CDH20: variants seen among roughly 807,000 people sequenced by gnomAD.
CDH20 encodes cadherin 20.
CDH20 carries 29 observed loss-of-function variants against 74.2 expected under a neutral mutation model. The ratio of observed to expected loss-of-function variants is 0.39; its 90% CI spans 0.29 to 0.53. The LOEUF (loss-of-function observed/expected upper bound fraction) is 0.53. Among genes scored for constraint, CDH20 ranks in the 20% least tolerant of loss-of-function variants. The pLI is 0.69. For missense variants in CDH20, 988 were observed against 1,048.3 expected (o/e 0.94, Z 0.79); for synonymous variants, 469 against 405.4 (o/e 1.16, Z -1.88).
chr18:61,456,333 G>A (rs1006134567), intron 1 of CDH20, among the ~76,000 whole-genome samples: 4 of 152,172 alleles, frequency 2.6e-5, no homozygotes, highest in African/African-American at 9.7e-5. Flanking sequence ...ACCCCTCTGA[G>A]GTTTTCCCAT....
At chr18:61,390,530 A>G (rs535286575) in intron 1 of CDH20, among the ~76,000 whole-genome samples, 1 of 152,328 alleles carries the variant, frequency 6.6e-6, no homozygotes, top group South Asian at 2.1e-4. Flanking sequence ...AACCAGGAAG[A>G]CTTGACAAAG....
chr18:61,434,026 A>T (rs1411919091), intron 1 of CDH20, among the ~76,000 whole-genome samples: 3 of 152,088 alleles, frequency 2.0e-5, no homozygotes. Flanking sequence ...GGGACTACAT[A>T]TGTATATGTA....
intron 1 of CDH20, among the ~76,000 whole-genome samples, chr18:61,471,996 C>G (rs1318744814): frequency 6.6e-6 from 1 of 152,092 alleles, no homozygotes; most frequent in Non-Finnish European, 1.5e-5. Context: ...TCTGTGAGGA[C>G]AACATGTCCA....
chr18:61,361,095 C>A (rs1910676894), intron 1 of CDH20, among the ~76,000 whole-genome samples: 1 of 152,194 alleles, frequency 6.6e-6, no homozygotes, highest in African/African-American at 2.4e-5. Context: ...ATGTAACAAA[C>A]CCTGTATGGT....
At chr18:61,540,240 T>C (rs1912978339) in intron 9 of CDH20, among the ~76,000 whole-genome samples, 1 of 152,172 alleles carries the variant, frequency 6.6e-6, no homozygotes, top group Non-Finnish European at 1.5e-5. Flanking sequence ...GCTGGATCAA[T>C]GGGCTGGAAT....
chr18:61,452,995 T>C (rs1325222267), intron 1 of CDH20, among the ~76,000 whole-genome samples: 5 of 152,184 alleles, frequency 3.3e-5, no homozygotes, highest in African/African-American at 7.2e-5. Context: ...AATAATACAG[T>C]GAGATCCTGA....
chr18:61,385,221 GCAAACAAAA>G (rs1911555024), intron 1 of CDH20, among the ~76,000 whole-genome samples: 1 of 152,072 alleles, frequency 6.6e-6, no homozygotes, highest in South Asian at 2.1e-4. Flanking sequence ...TCTACTAATG[GCAAACAAAA>G]TAAATCTATG....
At chr18:61,346,517 A>G (rs1388580880) in intron 1 of CDH20, among the ~76,000 whole-genome samples, 1 of 152,226 alleles carries the variant, frequency 6.6e-6, no homozygotes, top group Non-Finnish European at 1.5e-5. Flanking sequence ...AAAATTGAAA[A>G]GCATAGCTCT....
chr18:61,498,878 T>G (rs1911262173), intron 2 of CDH20, among the ~76,000 whole-genome samples: 1 of 152,184 alleles, frequency 6.6e-6, no homozygotes, highest in Admixed American at 6.5e-5. Context: ...GTTCTTATTC[T>G]AACATTGGGG....
At chr18:61,530,858 C>T (rs756897771) in intron 7 of CDH20, among the ~76,000 whole-genome samples, 7 of 152,144 alleles carry the variant, frequency 4.6e-5, no homozygotes, top group Non-Finnish European at 1.0e-4. Context: ...CTGCTCCTGA[C>T]ACCCCACCTC....
intron 6 of CDH20, among the ~76,000 whole-genome samples, chr18:61,515,904 TG>T (rs1180561292): frequency 6.9e-6 from 1 of 144,744 alleles, no homozygotes; most frequent in Non-Finnish European, 1.5e-5. Context: ...AATGTGCACA[TG>T]TACCCTAAAA....
intron 1 of CDH20, among the ~76,000 whole-genome samples, chr18:61,389,797 T>C (rs1911713366): frequency 6.6e-6 from 1 of 152,182 alleles, no homozygotes; most frequent in African/African-American, 2.4e-5. Context: ...ATTATTAATT[T>C]GCTCCTTCTA....
At chr18:61,426,723 T>C (rs1268129787) in intron 1 of CDH20, among the ~76,000 whole-genome samples, 3 of 152,232 alleles carry the variant, frequency 2.0e-5, no homozygotes, top group Non-Finnish European at 4.4e-5. Context: ...TCATTTTCTT[T>C]GCAGGGAAGT....
intron 4 of CDH20, 28 bp downstream of exon 4, chr18:61,500,530 G>T: frequency 6.3e-7 from 1 of 1,592,242 alleles, no homozygotes; most frequent in Non-Finnish European, 8.6e-7. Flanking sequence ...CGAGTCAGAG[G>T]TGTTTATTCC....
intron 11 of CDH20, among the ~76,000 whole-genome samples, chr18:61,552,943 A>C (rs1913485222): frequency 6.6e-6 from 1 of 152,156 alleles, no homozygotes; most frequent in South Asian, 2.1e-4. Context: ...TTTCTCTAGG[A>C]ATCCCACCCT....
At chr18:61,370,135 T>C (rs923888107) in intron 1 of CDH20, among the ~76,000 whole-genome samples, 45 of 152,166 alleles carry the variant, frequency 3.0e-4, no homozygotes, top group Admixed American at 2.8e-3. Context: ...TAAAAATTGC[T>C]GCTCTCACGA....
At chr18:61,361,467 G>T (rs1910692509) in intron 1 of CDH20, among the ~76,000 whole-genome samples, 1 of 152,174 alleles carries the variant, frequency 6.6e-6, no homozygotes, top group Non-Finnish European at 1.5e-5. Context: ...GATCATCTAA[G>T]TCAATCAGCC....
chr18:61,553,113 A>T (rs1408357397), intron 11 of CDH20, among the ~76,000 whole-genome samples: 1 of 152,208 alleles, frequency 6.6e-6, no homozygotes, highest in Non-Finnish European at 1.5e-5. Context: ...ATTCAAAAAA[A>T]TTTTTAAATC....
At chr18:61,477,908 A>G (rs28705000) in intron 1 of CDH20, among the ~76,000 whole-genome samples, 34 of 152,212 alleles carry the variant, frequency 2.2e-4, no homozygotes, top group African/African-American at 7.7e-4. Context: ...TGAAAGTAAA[A>G]TGTTTTTTGA....
Sources: gnomAD v4.1 joint callset for allele counts (sites outside exome capture counted in the v4.1 genomes callset) on GRCh38, gnomAD v4.1.1 for gene constraint, MANE v1.5 for transcripts, NCBI Gene and HGNC (gene_info 2026-07-23, HGNC 2026-07-21) for gene names.